Variants in NFATC3 observed in about 807,000 individuals in gnomAD.
The protein encoded by NFATC3 is nuclear factor of activated T cells 3.
A neutral mutation model predicts 98.6 loss-of-function variants in NFATC3; 46 were observed. The observed-to-expected ratio is 0.47, with a 90% CI of 0.37 to 0.60. The LOEUF is 0.60. Ranked by LOEUF, NFATC3 falls within the 20% of genes least tolerant of loss-of-function variation. The pLI is 0.00. For missense variants in NFATC3, 1,256 were observed against 1,295.5 expected (o/e 0.97, Z 0.47); for synonymous variants, 512 against 472.2 (o/e 1.08, Z -1.09).
At chr16:68,207,713 C>A (rs2041209353) in intron 9 of NFATC3, among the ~76,000 whole-genome samples, 1 of 152,212 alleles carries the variant, frequency 6.6e-6, no homozygotes, top group African/African-American at 2.4e-5. Context: ...CCACCCTCCT[C>A]AGCCTCCCAA....
chr16:68,190,762 T>C lies in NFATC3; in HGVS notation c.2099-6T>C. 1.9e-6 allele frequency: 3 copies of C among 1,586,480 alleles called. No homozygotes were observed. Among genetic ancestry groups the C allele is most frequent in the Non-Finnish European group, 2.6e-6 (3 of 1,166,492 alleles). On this transcript the variant is annotated splice_region_variant and splice_polypyrimidine_tract_variant and intron_variant, in intron 8 of 9. Transcript: ENST00000346183. ...ATAATATTTGCTTTAATCATTTTCT[T>C]TTCAGTTTTGATGAAGCAAGAACAC...
chr16:68,176,671 T>A (rs2039723839), intron 6 of NFATC3, among the ~76,000 whole-genome samples: 1 of 152,198 alleles, frequency 6.6e-6, no homozygotes, highest in Non-Finnish European at 1.5e-5. Flanking sequence ...GCTGTTGAGG[T>A]TGTTATGGAC....
intron 4 of NFATC3, among the ~76,000 whole-genome samples, chr16:68,161,023 T>C (rs1029958160): frequency 2.6e-5 from 4 of 152,196 alleles, no homozygotes; most frequent in African/African-American, 9.6e-5. Flanking sequence ...GAAAGAACTT[T>C]GGAATCTCAG....
chr16:68,142,981 A>T (rs2037836581), intron 3 of NFATC3, among the ~76,000 whole-genome samples: 1 of 152,122 alleles, frequency 6.6e-6, no homozygotes, highest in African/African-American at 2.4e-5. Flanking sequence ...CTGCAATCCC[A>T]GTACCTTGTG....
At chr16:68,124,799 A>C (rs549127635) in intron 2 of NFATC3, among the ~76,000 whole-genome samples, 34 of 149,552 alleles carry the variant, frequency 2.3e-4, no homozygotes, top group African/African-American at 7.7e-4. Context: ...GCATGATCTC[A>C]GCTCACTGCC....
intron 1 of NFATC3, among the ~76,000 whole-genome samples, chr16:68,090,178 T>C (rs1490269539): frequency 6.6e-6 from 1 of 152,164 alleles, no homozygotes; most frequent in African/African-American, 2.4e-5. Flanking sequence ...TTTTTATTGA[T>C]CATTTTTAGT....
intron 1 of NFATC3, among the ~76,000 whole-genome samples, chr16:68,098,793 T>C (rs1469294461): frequency 6.6e-6 from 1 of 152,264 alleles, no homozygotes; most frequent in African/African-American, 2.4e-5. Flanking sequence ...TAACTAATGC[T>C]CTTGAACATC....
At chr16:68,163,390 G>A (rs2038995674) in intron 4 of NFATC3, among the ~76,000 whole-genome samples, 1 of 149,914 alleles carries the variant, frequency 6.7e-6, no homozygotes, top group South Asian at 2.1e-4. Context: ...CTCCCTCCCG[G>A]ACGGGGCGGC....
intron 9 of NFATC3, among the ~76,000 whole-genome samples, chr16:68,223,312 C>T (rs1230462060): frequency 2.6e-5 from 4 of 151,758 alleles, no homozygotes; most frequent in African/African-American, 9.7e-5. Flanking sequence ...TGCTTGAGGC[C>T]AGGAGTTAGA....
At chr16:68,113,897 C>T (rs192592301) in intron 1 of NFATC3, among the ~76,000 whole-genome samples, 2 of 152,352 alleles carry the variant, frequency 1.3e-5, no homozygotes, top group Non-Finnish European at 2.9e-5. Flanking sequence ...AATTCCTCTT[C>T]GTCCAAACCG....
At chr16:68,148,823 A>G (rs1047957490) in intron 3 of NFATC3, among the ~76,000 whole-genome samples, 1 of 152,166 alleles carries the variant, frequency 6.6e-6, no homozygotes, top group East Asian at 1.9e-4. Flanking sequence ...CCTGGCCAAC[A>G]TGGTGAAACC....
At chr16:68,109,689 AAATCTTTCTGGT>A (rs1210725598) in intron 1 of NFATC3, among the ~76,000 whole-genome samples, 1 of 152,108 alleles carries the variant, frequency 6.6e-6, no homozygotes, top group African/African-American at 2.4e-5. Context: ...ATTCAGCTGT[AAATCTTTCTGGT>A]CCTGGGCTTA....
chr16:68,131,665 T>A (rs1567513361), intron 3 of NFATC3, among the ~76,000 whole-genome samples: 2 of 151,996 alleles, frequency 1.3e-5, no homozygotes, highest in Admixed American at 6.6e-5. Flanking sequence ...TTTTTTTTTT[T>A]TAAGTAGAAA....
At chr16:68,217,208 G>A (rs1421368951) in intron 9 of NFATC3, among the ~76,000 whole-genome samples, 1 of 152,152 alleles carries the variant, frequency 6.6e-6, no homozygotes, top group Non-Finnish European at 1.5e-5. Flanking sequence ...GAGGTAGGCA[G>A]ATTGCTTGAG....
In NFATC3 at chr16:68,104,328, T is replaced by C. The variant is rs115184462; in HGVS notation, c.104-17659T>C. On this transcript the variant is annotated intron_variant, in intron 1 of 9. Coordinates refer to ENST00000346183, the MANE Select transcript of NFATC3 (RefSeq NM_173165.3). The stretch of plus-strand genomic sequence containing the variant: ...TTTTCTTAATTTCCTTTTCAGATTG[T>C]TTATTGCTTGTATATAGAAACAACA... Among the ~76,000 whole-genome samples, 950 of 152,312 alleles carry C rather than the reference T, an allele frequency of 6.2e-3. 11 individuals are homozygous for C. The highest frequency in any genetic ancestry group is 0.022 in the African/African-American group (903 of 41,566).
At chr16:68,215,673 T>C (rs184928057) in intron 9 of NFATC3, among the ~76,000 whole-genome samples, 1 of 152,008 alleles carries the variant, frequency 6.6e-6, no homozygotes, top group East Asian at 1.9e-4. Context: ...AACATGGGGT[T>C]GAGTGTTTTT....
intron 8 of NFATC3, among the ~76,000 whole-genome samples, chr16:68,188,200 GAGCA>G (rs2040289321): frequency 6.6e-6 from 1 of 152,178 alleles, no homozygotes; most frequent in Non-Finnish European, 1.5e-5. Context: ...CAGACACTGG[GAGCA>G]AGCATCTCTG....
intron 1 of NFATC3, among the ~76,000 whole-genome samples, chr16:68,097,823 A>G (rs966350963): frequency 7.9e-5 from 12 of 152,204 alleles, no homozygotes; most frequent in African/African-American, 2.9e-4. Flanking sequence ...TATAGTGAAC[A>G]TATCCGCGAC....
At chr16:68,160,755 G>A (rs2038854127) in intron 4 of NFATC3, among the ~76,000 whole-genome samples, 1 of 151,846 alleles carries the variant, frequency 6.6e-6, no homozygotes, top group South Asian at 2.1e-4. Context: ...CACCATCTTA[G>A]CTCACTACAA....
Sources: gnomAD v4.1 joint callset for allele counts (sites outside exome capture counted in the v4.1 genomes callset) on GRCh38, gnomAD v4.1.1 for gene constraint, MANE v1.5 for transcripts, NCBI Gene and HGNC (gene_info 2026-07-23, HGNC 2026-07-21) for gene names.